Variants in MRPS5 observed in about 807,000 individuals in gnomAD.
MRPS5 encodes mitochondrial ribosomal protein S5, also known as small ribosomal subunit protein uS5m.
In MRPS5, 27 loss-of-function variants were observed where a neutral mutation model predicts 51.9. That is an observed-to-expected ratio of 0.52 (90% CI 0.38 to 0.72). The LOEUF (loss-of-function observed/expected upper bound fraction) is 0.72. MRPS5 is among the 30% of genes least tolerant of loss of function. The pLI, the probability that MRPS5 is intolerant of heterozygous loss-of-function variation, is 0.00. For synonymous variants in MRPS5, 196 were observed against 193.2 expected, an observed-to-expected ratio of 1.01 and a Z score of -0.12; for missense variants, 570 against 545.7, an observed-to-expected ratio of 1.04 and a Z score of -0.44.
intron 10 of MRPS5, among the ~76,000 whole-genome samples, chr2:95,095,083 T>A (rs1675582355): frequency 6.6e-6 from 1 of 152,170 alleles, no homozygotes; most frequent in Non-Finnish European, 1.5e-5. Flanking sequence ...ACAATCCTAG[T>A]CTCTGATAAA....
At chr2:95,109,063 G>C (rs1676039727) in intron 4 of MRPS5, among the ~76,000 whole-genome samples, 1 of 152,028 alleles carries the variant, frequency 6.6e-6, no homozygotes, top group Admixed American at 6.6e-5. Context: ...TATGAGGCCA[G>C]TGGTTTCCTT....
At chr2:95,092,590 T>C (rs1302650056) in intron 10 of MRPS5, 1 of 152,218 alleles carries the variant, frequency 6.6e-6, no homozygotes, top group Non-Finnish European at 1.5e-5. Context: ...TATACTGTTT[T>C]AGCTTCAAAA....
At chr2:95,109,620 C>T (rs921758307) in intron 4 of MRPS5, among the ~76,000 whole-genome samples, 6 of 152,242 alleles carry the variant, frequency 3.9e-5, no homozygotes, top group Non-Finnish European at 7.3e-5. Context: ...TATTCGCCAA[C>T]TCTCCATTTA....
intron 10 of MRPS5, chr2:95,093,400 C>T (rs1472388903): frequency 6.6e-6 from 1 of 152,278 alleles, no homozygotes; most frequent in Non-Finnish European, 1.5e-5. Context: ...GACAGACTGC[C>T]TCCTCAAGTG....
intron 7 of MRPS5, chr2:95,101,979 C>T: frequency 2.5e-6 from 1 of 393,912 alleles, no homozygotes; most frequent in Non-Finnish European, 4.6e-6. Context: ...CACAGCAAGA[C>T]TCTGTCTCTA....
intron 11 of MRPS5, 51 bp from the exon 12 acceptor site, chr2:95,087,632 A>C (rs745628414): frequency 6.6e-7 from 1 of 1,518,342 alleles, no homozygotes; most frequent in African/African-American, 1.4e-5. Context: ...CATTTGCAAC[A>C]TAAAGAGCAG....
At chr2:95,105,866 TG>T (rs1675934126) in intron 6 of MRPS5, among the ~76,000 whole-genome samples, 1 of 152,226 alleles carries the variant, frequency 6.6e-6, no homozygotes, top group South Asian at 2.1e-4. Flanking sequence ...TTATTCCACA[TG>T]GTATTTAACA....
chr2:95,112,104 G>A (rs182832210), intron 3 of MRPS5, among the ~76,000 whole-genome samples: 196 of 151,694 alleles, frequency 1.3e-3, no homozygotes, highest in Non-Finnish European at 2.1e-3. Flanking sequence ...CACTCTTGTC[G>A]CCCCAGATGG....
In MRPS5 at chr2:95,101,746, A is replaced by G. The variant is rs531846895; in HGVS notation, c.764-23T>C. ...AACCTTTAAACAAAAAAGCAAAAAT[A>G]AGAAAAGAGACAGAAATTTTGCCCA... On this transcript the variant is annotated intron_variant, in intron 7 of 11. Transcript: ENST00000272418. 6.4e-6 allele frequency: 10 copies of G among 1,567,198 alleles called. No individual in the cohort carries two copies. The South Asian group carries it at 9.4e-5, about 15-fold the overall frequency.
chr2:95,118,437 C>T (rs1199326061), intron 1 of MRPS5, among the ~76,000 whole-genome samples: 4 of 152,262 alleles, frequency 2.6e-5, no homozygotes, highest in Non-Finnish European at 4.4e-5. Flanking sequence ...CAAGCTTCCA[C>T]ACCAGCCTGC....
chr2:95,111,557 T>G (rs1380593146), intron 3 of MRPS5, among the ~76,000 whole-genome samples: 1 of 152,194 alleles, frequency 6.6e-6, no homozygotes, highest in Non-Finnish European at 1.5e-5. Flanking sequence ...AATATCTAAC[T>G]ATATTTGAAA....
Position 95,087,301 on chromosome 2 carries a change from T to G in MRPS5, c.*56A>C. 5.0e-6 allele frequency: 7 copies of G among 1,407,218 alleles called. No homozygotes were observed. Among genetic ancestry groups the G allele is most frequent in the Non-Finnish European group, 7.0e-6 (7 of 1,003,466 alleles). The allele number at this position is 1,407,218 out of a possible 1,614,324, so 87.2% of individuals were successfully genotyped here. On this transcript the variant is annotated 3_prime_UTR_variant, in exon 12 of 12. Coordinates refer to ENST00000272418, the MANE Select transcript of MRPS5 (RefSeq NM_031902.5). ...GGTAACATCCCAAGCTGTGAGGGGC[T>G]GAGTCTCTCCTAGGTGCAGGGCAGC...
In MRPS5 at chr2:95,121,775, C is replaced by G. The variant is rs915780533; in HGVS notation, c.17G>C (p.Arg6Pro). 5.8e-6 allele frequency: 9 copies of G among 1,552,572 alleles called. No individual in the cohort carries two copies. The East Asian group carries it at 1.7e-4, about 30-fold the overall frequency. Residue 6 changes from arginine to proline, a missense_variant, in exon 1 of 12, where the codon CGC (arginine) becomes CCC (proline). Coordinates refer to ENST00000272418, the MANE Select transcript of MRPS5 (RefSeq NM_031902.5). ...CAGCACGGGGAGGCAGCCCACAGCGCGCACCGCGGTCGCCATGCTGGAGTC... is the reference window on the plus strand; with the variant it reads ...CAGCACGGGGAGGCAGCCCACAGCGGGCACCGCGGTCGCCATGCTGGAGTC... MATAV[R>P]AVGCLPVLCS...
chr2:95,106,376 C>G, intron 6 of MRPS5, 47 bp downstream of exon 6: 1 of 1,401,562 alleles, frequency 7.1e-7, no homozygotes, highest in Non-Finnish European at 1.0e-6. Flanking sequence ...CCCACCCACC[C>G]CAACCTCTCC....
At chr2:95,111,619 G>A (rs919241958) in intron 3 of MRPS5, among the ~76,000 whole-genome samples, 6 of 152,052 alleles carry the variant, frequency 3.9e-5, no homozygotes, top group East Asian at 1.9e-4. Flanking sequence ...TATTAAAAAC[G>A]TTTTTAATAC....
At chr2:95,106,639 G>GTTCA (rs1011091855) in intron 5 of MRPS5, 182 bp from the exon 6 acceptor site, 85 of 616,326 alleles carry the variant, frequency 1.4e-4, no homozygotes, top group South Asian at 4.1e-4. Flanking sequence ...CACCAGTTAA[G>GTTCA]TTCATAAACT....
At chr2:95,088,496 GGCCTTATGGCTGCCTT>G (rs1156989726) in intron 11 of MRPS5, among the ~76,000 whole-genome samples, 1 of 152,162 alleles carries the variant, frequency 6.6e-6, no homozygotes, top group Non-Finnish European at 1.5e-5. Flanking sequence ...CGTGATCCCA[GGCCTTATGGCTGCCTT>G]GCACTATTCT....
chr2:95,089,255 C>T (rs758589129), intron 11 of MRPS5, among the ~76,000 whole-genome samples: 64 of 152,126 alleles, frequency 4.2e-4, no homozygotes, highest in Non-Finnish European at 4.0e-4. Flanking sequence ...TACCCAAAGC[C>T]TTCTTTTTCT....
chr2:95,104,714 G>A lies in MRPS5; in HGVS notation c.689C>T (p.Thr230Ile), dbSNP rs1675901008. The change falls in exon 7 of 12, where the codon ACT (threonine) becomes ATT (isoleucine). Residue 230 changes from threonine to isoleucine, a missense_variant. Physicochemically the swap from Thr to Ile is moderately conservative, Grantham distance 89. Transcript: ENST00000272418. The part of the protein sequence containing the change: ...TRILEVRNVF[T>I]MTAKEGRKKS... ...CTTTCTTCCCTCTTTCGCAGTCATA[G>A]TGAAAACGTTTCTTACCTAAAAGGC... The A allele has an allele frequency of 1.2e-6, 2 of 1,613,830 alleles. No homozygotes were observed. Among genetic ancestry groups the A allele is most frequent in the Non-Finnish European group, 8.5e-7 (1 of 1,179,904 alleles).
Sources: allele counts gnomAD v4.1 joint callset (sites outside exome capture counted in the v4.1 genomes callset), GRCh38; gene constraint gnomAD v4.1.1; transcripts MANE v1.5; gene names NCBI Gene and HGNC (gene_info 2026-07-23, HGNC 2026-07-21).